IMMP2L: variants seen among roughly 807,000 people sequenced by gnomAD.
IMMP2L encodes mitochondrial inner membrane protease subunit 2.
In IMMP2L, 18 loss-of-function variants were observed where a neutral mutation model predicts 19.3. That is an observed-to-expected ratio of 0.93 (90% CI 0.64 to 1.38). IMMP2L has a LOEUF of 1.38. IMMP2L is among the 40% of genes most tolerant of loss of function. The probability of loss-of-function intolerance (pLI) is 0.00; values close to 1 mark genes in which losing one functional copy is unlikely to be tolerated. For missense variants in IMMP2L, 233 were observed against 218.2 expected, an observed-to-expected ratio of 1.07 and a Z score of -0.43; for synonymous variants, 76 against 73.0, an observed-to-expected ratio of 1.04 and a Z score of -0.21.
At chr7:111,013,581 A>C (rs984686493) in intron 3 of IMMP2L, among the ~76,000 whole-genome samples, 1 of 152,066 alleles carries the variant, frequency 6.6e-6, no homozygotes, top group Non-Finnish European at 1.5e-5. Context: ...AAGGAGGAGA[A>C]GAGGAGGATT....
At chr7:110,910,565 CTT>C (rs965057825) in intron 4 of IMMP2L, among the ~76,000 whole-genome samples, 1 of 152,094 alleles carries the variant, frequency 6.6e-6, no homozygotes, top group Non-Finnish European at 1.5e-5. Flanking sequence ...ATCAGAGAGA[CTT>C]TGACTTTGTT....
At chr7:110,968,666 T>G (rs1192407434) in intron 3 of IMMP2L, among the ~76,000 whole-genome samples, 1 of 151,986 alleles carries the variant, frequency 6.6e-6, no homozygotes, top group African/African-American at 2.4e-5. Context: ...GAGTGAGACC[T>G]TGTCTCAAAA....
At chr7:110,765,673 A>C (rs1798612809) in intron 5 of IMMP2L, among the ~76,000 whole-genome samples, 1 of 152,116 alleles carries the variant, frequency 6.6e-6, no homozygotes, top group Non-Finnish European at 1.5e-5. Context: ...TTTTATTTTT[A>C]ATTTACATCT....
At chr7:111,390,738 G>C (rs1171551732) in intron 3 of IMMP2L, 1 of 152,074 alleles carries the variant, frequency 6.6e-6, no homozygotes, top group East Asian at 1.9e-4. Context: ...CATGGCAATA[G>C]GTAATAATCT....
chr7:111,305,413 C>T (rs924233274), intron 3 of IMMP2L, among the ~76,000 whole-genome samples: 14 of 152,156 alleles, frequency 9.2e-5, no homozygotes, highest in Non-Finnish European at 1.5e-4. Context: ...ACTGCAACCT[C>T]CGCCTCCCAA....
chr7:110,748,046 A>T (rs1257060493), intron 5 of IMMP2L, among the ~76,000 whole-genome samples: 1 of 152,232 alleles, frequency 6.6e-6, no homozygotes. Flanking sequence ...CAACTTCAGC[A>T]AAGTCTCAGG....
rs574867517 is a variant in IMMP2L, at chr7:111,510,306, G to A, written c.135+11007C>T. ...AATCATTCAGAAACCCAGTTTTTTCGAGCTTGTACATCTACCATCCCCTGC... is the reference window on the plus strand; with the variant it reads ...AATCATTCAGAAACCCAGTTTTTTCAAGCTTGTACATCTACCATCCCCTGC... On this transcript the variant is annotated intron_variant, in intron 2 of 5. Transcript: ENST00000405709. Among the ~76,000 whole-genome samples the A allele has an allele frequency of 2.6e-5, 4 of 152,116 alleles. No homozygotes were observed. The East Asian group carries it at 5.8e-4, about 22-fold the overall frequency.
chr7:110,731,220 T>C (rs918131008), intron 5 of IMMP2L, among the ~76,000 whole-genome samples: 2 of 152,164 alleles, frequency 1.3e-5, no homozygotes, highest in East Asian at 3.8e-4. Context: ...TTTTTTAATC[T>C]AGAGAAACCT....
At chr7:110,931,252 T>C (rs1563089711) in intron 4 of IMMP2L, among the ~76,000 whole-genome samples, 1 of 152,164 alleles carries the variant, frequency 6.6e-6, no homozygotes, top group South Asian at 2.1e-4. Flanking sequence ...GCCTGAAACA[T>C]ATCAGGCTCT....
At chr7:111,365,109 A>G (rs975087950) in intron 3 of IMMP2L, among the ~76,000 whole-genome samples, 4 of 152,148 alleles carry the variant, frequency 2.6e-5, no homozygotes, top group African/African-American at 7.2e-5. Flanking sequence ...ATAAACTTTA[A>G]ATAAGAAGGT....
intron 4 of IMMP2L, among the ~76,000 whole-genome samples, chr7:110,930,098 T>G (rs542605997): frequency 6.6e-6 from 1 of 152,264 alleles, no homozygotes; most frequent in South Asian, 2.1e-4. Context: ...GCAGCGTAAA[T>G]CAGAAACCTT....
intron 3 of IMMP2L, among the ~76,000 whole-genome samples, chr7:111,446,442 G>C (rs531712578): frequency 6.7e-6 from 1 of 149,554 alleles, no homozygotes; most frequent in South Asian, 2.1e-4. Context: ...CCCCAGCAGG[G>C]GCACACTGAC....
intron 4 of IMMP2L, among the ~76,000 whole-genome samples, chr7:110,894,697 C>T (rs997943174): frequency 2.0e-5 from 3 of 152,098 alleles, no homozygotes; most frequent in African/African-American, 7.2e-5. Context: ...AAAGAATATA[C>T]ATTTTTAATT....
At chr7:111,441,733 A>G (rs937659991) in intron 3 of IMMP2L, among the ~76,000 whole-genome samples, 2 of 151,760 alleles carry the variant, frequency 1.3e-5, no homozygotes, top group Non-Finnish European at 2.9e-5. Flanking sequence ...AAAAAAAAAA[A>G]AAAGAAAACA....
chr7:111,005,982 C>T (rs188999590), intron 3 of IMMP2L, among the ~76,000 whole-genome samples: 1 of 151,132 alleles, frequency 6.6e-6, no homozygotes, highest in Admixed American at 6.6e-5. Context: ...TTTTTTAAGC[C>T]ATGGGCCCCT....
chr7:111,401,008 C>T (rs1833376096), intron 3 of IMMP2L, among the ~76,000 whole-genome samples: 1 of 151,712 alleles, frequency 6.6e-6, no homozygotes, highest in African/African-American at 2.4e-5. Flanking sequence ...TTGTCATTTC[C>T]TTGCTCTAGT....
chr7:111,304,549 ATGTG>A (rs927373627), intron 3 of IMMP2L, among the ~76,000 whole-genome samples: 2 of 151,896 alleles, frequency 1.3e-5, no homozygotes, highest in African/African-American at 4.8e-5. Context: ...GTGTATATAT[ATGTG>A]TGTGTGTACA....
In IMMP2L at chr7:111,432,319, T is replaced by C. The variant is rs577779386; in HGVS notation, c.239+54919A>G. ...AGAGGAAAAACACAGTTAGAGAGAG[T>C]TTTCCTTAAACAAATGGTGTCAGTG... On this transcript the variant is annotated intron_variant, in intron 3 of 5. Transcript: ENST00000405709. 1.3e-5 allele frequency among the ~76,000 whole-genome samples: 2 copies of C among 151,348 alleles called. 1 individual carries two copies. Among genetic ancestry groups the C allele is most frequent in the African/African-American group, 4.9e-5 (2 of 40,960 alleles).
rs139997890 is a variant in IMMP2L, at chr7:111,093,757, G to A, written c.240-130192C>T. Among the ~76,000 whole-genome samples, 634 of 152,184 alleles carry A rather than the reference G, an allele frequency of 4.2e-3. 7 individuals carry two copies. Among genetic ancestry groups the A allele is most frequent in the African/African-American group, 0.015 (610 of 41,512 alleles). ...GTTTGGTGATTTGATCAGCACCTAC[G>A]AATGCCAGATGATGGACATTTGTGT... On this transcript the variant is annotated intron_variant, in intron 3 of 5. Transcript: ENST00000405709.
Sources: gnomAD v4.1 joint callset for allele counts (sites outside exome capture counted in the v4.1 genomes callset) on GRCh38, gnomAD v4.1.1 for gene constraint, MANE v1.5 for transcripts, NCBI Gene and HGNC (gene_info 2026-07-23, HGNC 2026-07-21) for gene names.